The following CCNH variants were observed in gnomAD, a reference collection of about 807,000 sequenced individuals.
The protein encoded by CCNH is cyclin H, also known as cyclin-H.
CCNH carries 31 observed loss-of-function variants against 41.9 expected under a neutral mutation model. The ratio of observed to expected loss-of-function variants is 0.74; its 90% CI spans 0.56 to 1.00. The LOEUF (loss-of-function observed/expected upper bound fraction) is 1.00. Among genes scored for constraint, CCNH ranks in the 50% least tolerant of loss-of-function variants. The pLI is 0.00. For missense variants in CCNH, 362 were observed against 388.4 expected (o/e 0.93, Z 0.57); for synonymous variants, 138 against 136.1 (o/e 1.01, Z -0.10).
At chr5:87,349,652 G>A (rs1435527158) in intron 9 of CCNH, among the ~76,000 whole-genome samples, 2 of 151,812 alleles carry the variant, frequency 1.3e-5, no homozygotes, top group Admixed American at 1.3e-4. Context: ...TTATCTGTAG[G>A]AGGAGCAAAA....
At chr5:87,342,911 C>T (rs190135060) in intron 9 of CCNH, among the ~76,000 whole-genome samples, 7 of 152,220 alleles carry the variant, frequency 4.6e-5, no homozygotes, top group African/African-American at 1.2e-4. Flanking sequence ...TTTAAAGCTA[C>T]ATCAGTTTTC....
chr5:87,364,291 T>C (rs1387331194), intron 9 of CCNH, among the ~76,000 whole-genome samples: 1 of 152,174 alleles, frequency 6.6e-6, no homozygotes, highest in African/African-American at 2.4e-5. Context: ...GTAAAATATA[T>C]AGCCTTGTCA....
intron 9 of CCNH, among the ~76,000 whole-genome samples, chr5:87,352,485 A>G (rs1161975081): frequency 6.6e-6 from 1 of 151,796 alleles, no homozygotes; most frequent in Non-Finnish European, 1.5e-5. Context: ...TTATAGAGAA[A>G]CAACTTTATA....
intron 9 of CCNH, among the ~76,000 whole-genome samples, chr5:87,342,411 G>A (rs1758539117): frequency 6.6e-6 from 1 of 152,016 alleles, no homozygotes; most frequent in African/African-American, 2.4e-5. Flanking sequence ...TACCAGCCTC[G>A]GCCTCCCAAA....
intron 9 of CCNH, among the ~76,000 whole-genome samples, chr5:87,322,031 C>T (rs560985951): frequency 3.9e-5 from 6 of 152,030 alleles, no homozygotes; most frequent in Non-Finnish European, 7.4e-5. Flanking sequence ...CTCCAAATCT[C>T]GTATTTAATG....
At chr5:87,401,614 T>C (rs1286164844) in intron 6 of CCNH, 88 bp downstream of exon 6, 1 of 804,352 alleles carries the variant, frequency 1.2e-6, no homozygotes, top group Non-Finnish European at 2.0e-6. Flanking sequence ...AAAAATCTGT[T>C]ATATTTCTAG....
chr5:87,345,307 G>A (rs1758778166), intron 9 of CCNH, among the ~76,000 whole-genome samples: 1 of 152,154 alleles, frequency 6.6e-6, no homozygotes, highest in Non-Finnish European at 1.5e-5. Flanking sequence ...GTGTGCTTAT[G>A]CTAAATAATC....
chr5:87,332,487 A>T, intron 9 of CCNH: 1 of 1,597,134 alleles, frequency 6.3e-7, no homozygotes, highest in Non-Finnish European at 8.6e-7. Context: ...TTTATACTGT[A>T]TTTTTTCCTG....
chr5:87,412,521 C>T (rs1263387983), intron 1 of CCNH, 157 bp downstream of exon 1: 7 of 1,439,730 alleles, frequency 4.9e-6, no homozygotes, highest in Non-Finnish European at 6.4e-6. Flanking sequence ...ACCCACGGAA[C>T]CTGGCAAGGT....
chr5:87,379,776 T>C, upstream of CCNH: 1 of 1,612,808 alleles, frequency 6.2e-7, no homozygotes, highest in East Asian at 2.2e-5. Flanking sequence ...ATGTGAACAC[T>C]AATTTAACAC....
At chr5:87,325,813 A>G (rs1365620150) in intron 9 of CCNH, among the ~76,000 whole-genome samples, 1 of 152,236 alleles carries the variant, frequency 6.6e-6, no homozygotes, top group Admixed American at 6.5e-5. Flanking sequence ...AAATAATTGT[A>G]TAGTTTCAAT....
intron 9 of CCNH, among the ~76,000 whole-genome samples, chr5:87,331,745 T>C (rs866087758): frequency 3.3e-5 from 5 of 152,152 alleles, no homozygotes; most frequent in South Asian, 2.1e-4. Flanking sequence ...GTTTTTAAAG[T>C]ATAAAGAATT....
intron 9 of CCNH, chr5:87,353,361 T>G (rs1759423067): frequency 1.2e-6 from 1 of 818,588 alleles, no homozygotes; most frequent in Admixed American, 2.4e-5. Context: ...TTATTTAGAT[T>G]TTTTTAGAAA....
At chr5:87,411,717 G>C (rs1764258047) in intron 1 of CCNH, among the ~76,000 whole-genome samples, 1 of 151,974 alleles carries the variant, frequency 6.6e-6, no homozygotes, top group Non-Finnish European at 1.5e-5. Context: ...TTCTCGGTCA[G>C]TCATTACGTC....
At chr5:87,374,145 A>ATT, downstream of CCNH, 1 of 1,348,522 alleles carries the variant, frequency 7.4e-7, no homozygotes, top group Non-Finnish European at 9.7e-7. Flanking sequence ...ATATATATAT[A>ATT]TATTTTTTTT....
chr5:87,332,488 T>A (rs1466802648), intron 9 of CCNH: 1 of 1,597,924 alleles, frequency 6.3e-7, no homozygotes, highest in Non-Finnish European at 8.6e-7. Context: ...TTATACTGTA[T>A]TTTTTCCTGT....
rs80211112 is a variant in CCNH at position 87,319,626 on chromosome 5, T to C, written c.*91-729A>G. Among the ~76,000 whole-genome samples, 1,154 of 152,284 alleles carry C rather than the reference T, an allele frequency of 7.6e-3. 18 individuals carry two copies. Among genetic ancestry groups the C allele is most frequent in the African/African-American group, 0.027 (1,115 of 41,544 alleles). On this transcript the variant is annotated intron_variant and NMD_transcript_variant, in intron 9 of 9. Coordinates refer to the CCNH transcript ENST00000645953. The stretch of plus-strand genomic sequence containing the variant: ...GATGCGGGGCACCAAGTCCCAAGGA[T>C]GCAGTTAGCAGCAGGGCTCTGGGAC...
In CCNH at chr5:87,412,891, C is replaced by G. The variant is rs942025308; in HGVS notation, c.-97G>C. ...ACCCGTACCCCCACCGAAGATCTCG[C>G]GGAAGCCTAGGGCGTCCGGCTAGCC... On this transcript the variant is annotated 5_prime_UTR_variant, in exon 1 of 9. Coordinates refer to ENST00000256897, the MANE Select transcript of CCNH (RefSeq NM_001239.4). 1.3e-6 allele frequency: 2 copies of G among 1,540,244 alleles called. No homozygotes were observed. Among genetic ancestry groups the G allele is most frequent in the Non-Finnish European group, 8.8e-7 (1 of 1,140,572 alleles).
In CCNH at chr5:87,376,402, G is replaced by A. The variant is rs1194205020; in HGVS notation, n.779C>T. On this transcript the variant is annotated non_coding_transcript_exon_variant, in exon 1 of 1. Transcript: ENST00000607486. ...TGTTTTTCTTCCCAAGTATTTATGCGCTGCCAGTTGAGCCGATTACAGAAA... is the reference window on the plus strand; with the variant it reads ...TGTTTTTCTTCCCAAGTATTTATGCACTGCCAGTTGAGCCGATTACAGAAA... 10 of 1,613,580 alleles carry A rather than the reference G, an allele frequency of 6.2e-6. No individual in the cohort carries two copies. The highest frequency in any genetic ancestry group is 1.6e-4 in the Middle Eastern group (1 of 6,080).
Sources: allele counts gnomAD v4.1 joint callset (sites outside exome capture counted in the v4.1 genomes callset), GRCh38; gene constraint gnomAD v4.1.1; transcripts MANE v1.5; gene names NCBI Gene and HGNC (gene_info 2026-07-23, HGNC 2026-07-21).